HPD: variants seen among roughly 807,000 people sequenced by gnomAD.
HPD encodes 4-hydroxyphenylpyruvate dioxygenase.
In HPD, 35 loss-of-function variants were observed where a neutral mutation model predicts 56.9. That is an observed-to-expected ratio of 0.62 (90% CI 0.47 to 0.82). The LOEUF (loss-of-function observed/expected upper bound fraction) is 0.82, where lower values mean the gene tolerates loss of function less well. HPD is among the 40% of genes least tolerant of loss of function. HPD has a pLI of 0.00. For synonymous variants in HPD, 186 were observed against 200.2 expected (o/e 0.93, Z 0.60); for missense variants, 442 against 506.8 (o/e 0.87, Z 1.23).
At chr12:121,866,063 C>T (rs1251587933), upstream of HPD, among the ~76,000 whole-genome samples, 2 of 151,894 alleles carry the variant, frequency 1.3e-5, no homozygotes, top group African/African-American at 4.8e-5. Context: ...TTTGGGAGGC[C>T]GAGGTGGTTG....
chr12:121,850,147 C>T (rs1318050904), intron 7 of HPD, among the ~76,000 whole-genome samples: 2 of 151,866 alleles, frequency 1.3e-5, no homozygotes, highest in Admixed American at 1.3e-4. Flanking sequence ...AGCAGCCTGG[C>T]GCGGTGGCTT....
intron 12 of HPD, among the ~76,000 whole-genome samples, chr12:121,841,066 G>T (rs935776509): frequency 6.6e-6 from 1 of 152,106 alleles, no homozygotes; most frequent in South Asian, 2.1e-4. Context: ...GCTGGGCATG[G>T]TGGCACACGC....
intron 6 of HPD, 90 bp downstream of exon 6, chr12:121,856,234 G>A: frequency 2.1e-6 from 2 of 963,816 alleles, no homozygotes; most frequent in Admixed American, 1.7e-5. Context: ...TTGTCACTGT[G>A]ATGCAGCAGT....
intron 12 of HPD, among the ~76,000 whole-genome samples, chr12:121,842,741 C>CTTTTTTTT (rs34879391): frequency 1.3e-5 from 1 of 76,246 alleles, no homozygotes; most frequent in Non-Finnish European, 2.5e-5. Context: ...TAAAATGGAT[C>CTTTTTTTT]TTTTTTTTTT....
Position 121,839,611 on chromosome 12 carries a change from G to A in HPD, c.*117C>T. ...CGTGGTCAGTGTGGGCGGAGCCTTG[G>A]GGGCCGAGTCCGCTGGTGGGCGGGA... On this transcript the variant is annotated 3_prime_UTR_variant, in exon 14 of 14. Coordinates refer to ENST00000289004, the MANE Select transcript of HPD (RefSeq NM_002150.3). 2.6e-6 allele frequency: 2 copies of A among 778,162 alleles called. No individual in the cohort carries two copies. The highest frequency in any genetic ancestry group is 4.4e-6 in the Non-Finnish European group (2 of 450,388). The allele number at this position is 778,162 out of a possible 1,614,324, so 48.2% of individuals were successfully genotyped here. A position where few individuals can be genotyped will look rare whatever the true frequency, so the allele number is the denominator to read the frequency against.
chr12:121,857,912 C>A, intron 2 of HPD, 93 bp from the exon 3 acceptor site: 1 of 907,920 alleles, frequency 1.1e-6, no homozygotes, highest in East Asian at 2.6e-5. Context: ...CCTCCTTATT[C>A]CAGCCTCAAC....
chr12:121,865,275 CT>C (rs1878294943), upstream of HPD, among the ~76,000 whole-genome samples: 1 of 151,328 alleles, frequency 6.6e-6, no homozygotes, highest in Non-Finnish European at 1.5e-5. Flanking sequence ...TTCTTTCTTT[CT>C]TTCTTTCTTT....
intron 7 of HPD, among the ~76,000 whole-genome samples, chr12:121,853,176 G>C (rs1194268693): frequency 6.6e-6 from 1 of 152,092 alleles, no homozygotes; most frequent in Non-Finnish European, 1.5e-5. Context: ...GGCCTGTCAG[G>C]TGGGGGAGGT....
the HPD span, among the ~76,000 whole-genome samples, chr12:121,881,615 C>G: frequency 3.3e-5 from 5 of 151,820 alleles, no homozygotes; most frequent in Non-Finnish European, 7.4e-5. Flanking sequence ...CTTCATTATC[C>G]TTATCTGCTC....
At chr12:121,869,698 T>A in the HPD span, among the ~76,000 whole-genome samples, 1 of 151,606 alleles carries the variant, frequency 6.6e-6, no homozygotes, top group Non-Finnish European at 1.5e-5. Flanking sequence ...CTAATTTTTG[T>A]GTTTTTAGTA....
At position 121,839,935 on chromosome 12, in the gene HPD, GT is replaced by G. The variant is rs1783054698; in HGVS notation, c.1067del (p.His356ProfsTer100). On this transcript the variant is annotated frameshift_variant, in exon 13 of 14. Transcript: ENST00000289004. LOFTEE classifies it high-confidence loss of function. ...LFLEVIQRHN[H>X]QGFGAGNFNS... ...GCCTGCCGGGGACAAGCAGTACCTG[GT>G]GGTTGTGGCGCTGGATGACTTCCAG... The G allele has an allele frequency of 6.2e-7, 1 of 1,613,374 alleles. No homozygotes were observed. Among genetic ancestry groups the G allele is most frequent in the South Asian group, 1.1e-5 (1 of 91,064 alleles).
chr12:121,857,198 G>T (rs2620333), intron 4 of HPD, 130 bp downstream of exon 4: 1 of 689,920 alleles, frequency 1.4e-6, no homozygotes, highest in Non-Finnish European at 2.6e-6. Context: ...GCCTGCCTCA[G>T]CCTCCTGAGT....
At position 121,856,557 on chromosome 12, in the gene HPD, G is replaced by A. The variant is rs201144395; in HGVS notation, c.241+26C>T. ...ACCCAGATCCCACCCACAGAGCCAT[G>A]CGTCCACCCTCCCCGGGCACCTCAC... is the stretch of plus-strand genomic sequence containing the variant. On this transcript the variant is annotated intron_variant, in intron 5 of 13. Coordinates refer to ENST00000289004, the MANE Select transcript of HPD (RefSeq NM_002150.3). 3.7e-5 allele frequency: 59 copies of A among 1,613,326 alleles called. No individual in the cohort carries two copies. In the East Asian group the frequency reaches 1.3e-3, roughly 35 times the overall value.
upstream of HPD, among the ~76,000 whole-genome samples, chr12:121,868,141 C>T (rs547188658): frequency 2.2e-3 from 335 of 152,254 alleles, 3 homozygotes; most frequent in African/African-American, 7.8e-3. Flanking sequence ...ATGATCACTT[C>T]ACTGCACTCC....
At chr12:121,877,737 T>C in the HPD span, among the ~76,000 whole-genome samples, 1 of 151,576 alleles carries the variant, frequency 6.6e-6, no homozygotes, top group Non-Finnish European at 1.5e-5. Context: ...TGTCTCAAAA[T>C]AATAATAATA....
upstream of HPD, among the ~76,000 whole-genome samples, chr12:121,867,437 T>C (rs1242187225): frequency 6.6e-6 from 1 of 152,100 alleles, no homozygotes; most frequent in Non-Finnish European, 1.5e-5. Context: ...CTTTTCTTTT[T>C]TTTTTAGACA....
rs1411816079 is a variant in HPD at position 121,843,847 on chromosome 12, A to G, written c.832-15T>C. 3.1e-6 allele frequency: 5 copies of G among 1,613,892 alleles called. No individual in the cohort carries two copies. Among genetic ancestry groups the G allele is most frequent in the Non-Finnish European group, 4.2e-6 (5 of 1,179,966 alleles). The stretch of plus-strand genomic sequence containing the variant: ...AAGTGGCGAATCTGTTTCAGAGCAA[A>G]GCTGAGGTCAGCCTTCGGCCTCCAA... On this transcript the variant is annotated splice_polypyrimidine_tract_variant and intron_variant, in intron 11 of 13. Transcript: ENST00000289004.
intron 12 of HPD, 42 bp downstream of exon 12, chr12:121,843,668 C>T (rs1456840430): frequency 2.5e-6 from 4 of 1,611,874 alleles, no homozygotes; most frequent in East Asian, 2.2e-5. Context: ...ATGCAGAGCT[C>T]ATACTCCCCC....
At chr12:121,867,665 C>A (rs1878361030), upstream of HPD, among the ~76,000 whole-genome samples, 1 of 151,978 alleles carries the variant, frequency 6.6e-6, no homozygotes. Flanking sequence ...AGGTGCACAT[C>A]ACCATGCCTG....
Sources: allele counts gnomAD v4.1 joint callset (sites outside exome capture counted in the v4.1 genomes callset), GRCh38; gene constraint gnomAD v4.1.1; transcripts MANE v1.5; gene names NCBI Gene and HGNC (gene_info 2026-07-23, HGNC 2026-07-21).